The following SLC38A2 variants were observed in gnomAD, a reference collection of about 807,000 sequenced individuals.
SLC38A2 encodes the protein solute carrier family 38 member 2.
In SLC38A2, 11 loss-of-function variants were observed where a neutral mutation model predicts 61.5. The observed-to-expected ratio is 0.18, with a 90% CI of 0.11 to 0.30. The LOEUF (loss-of-function observed/expected upper bound fraction) is 0.30. Among genes scored for constraint, SLC38A2 ranks in the 10% least tolerant of loss-of-function variants. The probability of loss-of-function intolerance (pLI) is 1.00; values close to 1 mark genes in which losing one functional copy is unlikely to be tolerated. For synonymous variants in SLC38A2, 217 were observed against 212.5 expected (o/e 1.02, Z -0.18); for missense variants, 522 against 600.4 (o/e 0.87, Z 1.36).
In SLC38A2 at chr12:46,371,578, A is replaced by G. The variant is rs1777874681; in HGVS notation, c.-86-199T>C. The G allele has an allele frequency of 1.8e-5, 7 of 395,114 alleles. No individual in the cohort carries two copies. The South Asian group carries it at 2.2e-4, about 12-fold the overall frequency. 24.5% of individuals were successfully genotyped at this position (395,114 alleles called of 1,614,324 possible). A position where few individuals can be genotyped will look rare whatever the true frequency, so the allele number is the denominator to read the frequency against. ...CCGCGGGGAGAACAAAGATGATGCCACCGCTGTGTTGCGGCCGTCGAGGCC... is the reference window on the plus strand; with the variant it reads ...CCGCGGGGAGAACAAAGATGATGCCGCCGCTGTGTTGCGGCCGTCGAGGCC... On this transcript the variant is annotated intron_variant, in intron 1 of 15. Coordinates refer to ENST00000256689, the MANE Select transcript of SLC38A2 (RefSeq NM_018976.5).
chr12:46,371,266 T>C lies in SLC38A2; in HGVS notation c.28A>G (p.Ser10Gly), dbSNP rs374601779. ...CTGCTGTCTTCATCCGGGGAAATACTGAATCGTCCCATTTCGGCCTTCTTC... is the reference window on the plus strand; with the variant it reads ...CTGCTGTCTTCATCCGGGGAAATACCGAATCGTCCCATTTCGGCCTTCTTC... The part of the protein sequence containing the change: MKKAEMGRF[S>G]ISPDEDSSSY... Residue 10 changes from serine (S) to glycine (G), a missense_variant, in exon 2 of 16, where the codon AGT becomes GGT. This residue lies in a region of SLC38A2 where 102 missense variants were observed against 83.1 expected (regional missense o/e 1.23). Transcript: ENST00000256689. 1.2e-5 allele frequency: 20 copies of C among 1,614,106 alleles called. No homozygotes were observed. The African/African-American group carries it at 1.6e-4, about 13-fold the overall frequency.
rs1040754682 is a variant in SLC38A2, at chr12:46,371,404, A to G, written c.-86-25T>C. 2.4e-5 allele frequency: 20 copies of G among 823,974 alleles called. No homozygotes were observed. In the Admixed American group the frequency reaches 3.5e-4, roughly 14 times the overall value. 51.0% of individuals were successfully genotyped at this position (823,974 alleles called of 1,614,324 possible). On this transcript the variant is annotated intron_variant, in intron 1 of 15. Transcript: ENST00000256689. ...CCTGCGAAAGTAGAGGCGGCGCGTC[A>G]GGACCGCAGCGCCAGCCCGCCGCGG...
chr12:46,371,524 C>G, intron 1 of SLC38A2, 145 bp from the exon 2 acceptor site: 1 of 500,936 alleles, frequency 2.0e-6, no homozygotes, highest in Non-Finnish European at 3.5e-6. Flanking sequence ...GGGGGCGCGC[C>G]GAGGGGCGGA....
rs1344319480 is a variant in SLC38A2 at position 46,364,650 on chromosome 12, C to G, written c.699G>C (p.Leu233=). The G allele has an allele frequency of 6.2e-7, 1 of 1,608,164 alleles. No homozygotes were observed. Among genetic ancestry groups the G allele is most frequent in the Non-Finnish European group, 8.5e-7 (1 of 1,177,972 alleles). The change falls in exon 9 of 16, where the codon CTG becomes CTC. Residue 233 remains leucine, a synonymous_variant. Transcript: ENST00000256689. ...AAAAAAAAATCATACCCACCACAAT[C>G]AGAAAGAACACCATACACAACAAGG... ...GLSLLCMVFF[L]IVVICKKFQV... is the part of the protein sequence containing the mutation.
chr12:46,362,203 C>A lies in SLC38A2; in HGVS notation c.1422+81G>T. Reference sequence around the variant, plus strand: ...TTAAAAGTGAAACCATAACAAATAACAGCTATGAGAATAAAATTAAAATCA... The same window carrying A: ...TTAAAAGTGAAACCATAACAAATAAAAGCTATGAGAATAAAATTAAAATCA... On this transcript the variant is annotated intron_variant, in intron 15 of 15. Coordinates refer to ENST00000256689, the MANE Select transcript of SLC38A2 (RefSeq NM_018976.5). 1.6e-5 allele frequency: 18 copies of A among 1,112,046 alleles called. 1 individual carries two copies. The South Asian group carries it at 2.9e-4, about 18-fold the overall frequency. 68.9% of individuals were successfully genotyped at this position (1,112,046 alleles called of 1,614,324 possible). A position where few individuals can be genotyped will look rare whatever the true frequency, so the allele number is the denominator to read the frequency against.
At chr12:46,368,659 G>A (rs1369902127) in intron 4 of SLC38A2, among the ~76,000 whole-genome samples, 1 of 152,204 alleles carries the variant, frequency 6.6e-6, no homozygotes, top group African/African-American at 2.4e-5. Flanking sequence ...AGAAACTGAT[G>A]TCTATTAGTT....
chr12:46,361,400 T>C (rs945510355), intron 15 of SLC38A2, among the ~76,000 whole-genome samples, 191 bp from the exon 16 acceptor site: 5 of 152,210 alleles, frequency 3.3e-5, no homozygotes, highest in Non-Finnish European at 7.4e-5. Flanking sequence ...ATAACTACCT[T>C]TGAGGCCTTC....
At chr12:46,369,171 C>G (rs1371654744) in intron 4 of SLC38A2, among the ~76,000 whole-genome samples, 1 of 152,196 alleles carries the variant, frequency 6.6e-6, no homozygotes, top group Non-Finnish European at 1.5e-5. Flanking sequence ...ACACTGGCTG[C>G]ACTCTAAAAC....
At chr12:46,365,294 C>A (rs1430773568) in intron 7 of SLC38A2, 105 bp from the exon 8 acceptor site, 4 of 925,850 alleles carry the variant, frequency 4.3e-6, no homozygotes, top group Admixed American at 4.6e-5. Flanking sequence ...AAAACAAACA[C>A]ACAAAAAAGA....
intron 2 of SLC38A2, 117 bp from the exon 3 acceptor site, chr12:46,370,974 A>C: frequency 1.2e-6 from 1 of 868,548 alleles, no homozygotes. Context: ...CAACATCTTT[A>C]CTTAATGTAT....
intron 4 of SLC38A2, among the ~76,000 whole-genome samples, chr12:46,368,046 T>G (rs10880960): frequency 0.7 from 106,487 of 151,948 alleles, 38,705 homozygotes; most frequent in African/African-American, 0.9. Flanking sequence ...GAGGTGGGGG[T>G]ATCACTTGAG....
intron 1 of SLC38A2, 23 bp from the exon 2 acceptor site, chr12:46,371,402 TCAGGACCGCAGCGC>T (rs1433444689): frequency 5.0e-5 from 42 of 846,146 alleles, no homozygotes; most frequent in African/African-American, 8.6e-5. Flanking sequence ...AGGCGGCGCG[TCAGGACCGCAGCGC>T]CAGCCCGCCG....
rs1433336402 is a variant in SLC38A2, at chr12:46,372,772, G to T, written c.-350C>A. 2 of 398,140 alleles carry T rather than the reference G, an allele frequency of 5.0e-6. No homozygotes were observed. The highest frequency in any genetic ancestry group is 8.9e-6 in the Non-Finnish European group (2 of 225,786). The allele number at this position is 398,140 out of a possible 1,614,324, so 24.7% of individuals were successfully genotyped here. A position where few individuals can be genotyped will look rare whatever the true frequency, so the allele number is the denominator to read the frequency against. On this transcript the variant is annotated 5_prime_UTR_variant, in exon 1 of 16. Transcript: ENST00000256689. Reference sequence around the variant, plus strand: ...TCTAAGGCGGCGGCGTCGCGCGGCTGTGGAGCAGCCCTGCGAGCGGCGGGT... The same window carrying T: ...TCTAAGGCGGCGGCGTCGCGCGGCTTTGGAGCAGCCCTGCGAGCGGCGGGT...
chr12:46,369,934 C>T (rs750246378), intron 4 of SLC38A2, among the ~76,000 whole-genome samples: 5 of 152,112 alleles, frequency 3.3e-5, no homozygotes, highest in Admixed American at 6.5e-5. Context: ...ATGTGGCAAT[C>T]GAACAGGTCT....
intron 12 of SLC38A2, 124 bp downstream of exon 12, chr12:46,363,602 T>C (rs1943106800): frequency 1.8e-6 from 1 of 546,632 alleles, no homozygotes. Context: ...ATCACAAATA[T>C]GAAATATATT....
chr12:46,362,253 A>G, intron 15 of SLC38A2, 31 bp downstream of exon 15: 1 of 1,487,858 alleles, frequency 6.7e-7, no homozygotes, highest in Non-Finnish European at 9.1e-7. Context: ...TGATATTATT[A>G]CTGTTTCTAT....
Position 46,360,951 on chromosome 12 carries a change from C to A in SLC38A2, c.*160G>T. Reference sequence around the variant, plus strand: ...AGATAAGTTTCTTAAAAAAACAAAACAAAACAAAAAAGTTCACTTATTCTG... The same window carrying A: ...AGATAAGTTTCTTAAAAAAACAAAAAAAAACAAAAAAGTTCACTTATTCTG... On this transcript the variant is annotated 3_prime_UTR_variant, in exon 16 of 16. Coordinates refer to ENST00000256689, the MANE Select transcript of SLC38A2 (RefSeq NM_018976.5). 1.7e-6 allele frequency: 1 copy of A among 575,716 alleles called. No homozygotes were observed. The highest frequency in any genetic ancestry group is 1.9e-5 in the African/African-American group (1 of 52,506). The allele number at this position is 575,716 out of a possible 1,614,324, so 35.7% of individuals were successfully genotyped here.
chr12:46,368,472 T>G (rs1025742950), intron 4 of SLC38A2, among the ~76,000 whole-genome samples: 13 of 152,202 alleles, frequency 8.5e-5, no homozygotes, highest in African/African-American at 3.1e-4. Flanking sequence ...GGGTTCTCCC[T>G]CATTCCAGCT....
intron 12 of SLC38A2, 70 bp from the exon 13 acceptor site, chr12:46,363,215 A>C: frequency 6.5e-7 from 1 of 1,535,348 alleles, no homozygotes; most frequent in Non-Finnish European, 8.9e-7. Context: ...ATTTAACAGC[A>C]AAATGTGCAC....
Sources: allele counts gnomAD v4.1 joint callset (sites outside exome capture counted in the v4.1 genomes callset), GRCh38; gene constraint gnomAD v4.1.1; regional missense constraint gnomAD v4.1.1; transcripts MANE v1.5; gene names NCBI Gene and HGNC (gene_info 2026-07-23, HGNC 2026-07-21).